EYA1: variants seen among roughly 807,000 people sequenced by gnomAD.
The protein encoded by EYA1 is EYA transcriptional coactivator and phosphatase 1.
In EYA1, 16 loss-of-function variants were observed where a neutral mutation model predicts 82.0. The observed-to-expected ratio is 0.20, with a 90% CI of 0.13 to 0.30. The LOEUF is 0.30. EYA1 is among the 10% of genes least tolerant of loss of function. The probability of loss-of-function intolerance (pLI) is 1.00; values close to 1 mark genes in which losing one functional copy is unlikely to be tolerated. For synonymous variants in EYA1, 261 were observed against 264.4 expected (o/e 0.99, Z 0.12); for missense variants, 633 against 730.7 (o/e 0.87, Z 1.54).
intron 1 of EYA1, among the ~76,000 whole-genome samples, chr8:71,542,363 C>A (rs1815207893): frequency 6.6e-6 from 1 of 152,134 alleles, no homozygotes; most frequent in Non-Finnish European, 1.5e-5. Context: ...ATAATGGCCT[C>A]CAGCTCCATT....
At chr8:71,354,097 G>A (rs1826595062) in intron 3 of EYA1, among the ~76,000 whole-genome samples, 1 of 151,844 alleles carries the variant, frequency 6.6e-6, no homozygotes, top group South Asian at 2.1e-4. Flanking sequence ...TTAAGTATAC[G>A]TGGATCAAAG....
intron 2 of EYA1, among the ~76,000 whole-genome samples, chr8:71,451,930 G>A (rs1318124745): frequency 1.3e-5 from 2 of 152,160 alleles, no homozygotes; most frequent in Non-Finnish European, 2.9e-5. Flanking sequence ...GTGCAGGACT[G>A]TGGGTGCAGC....
intron 2 of EYA1, among the ~76,000 whole-genome samples, chr8:71,417,266 A>AG (rs1409215124): frequency 1.3e-5 from 2 of 152,292 alleles, no homozygotes; most frequent in African/African-American, 2.4e-5. Context: ...GTCCCTCTGG[A>AG]GAGCTCTGAC....
At chr8:71,448,410 T>G (rs1807073846) in intron 2 of EYA1, among the ~76,000 whole-genome samples, 1 of 152,148 alleles carries the variant, frequency 6.6e-6, no homozygotes, top group Non-Finnish European at 1.5e-5. Flanking sequence ...TTGTAGCAAC[T>G]CAGTCACATC....
At chr8:71,500,517 A>G (rs376729195) in intron 2 of EYA1, among the ~76,000 whole-genome samples, 5 of 151,912 alleles carry the variant, frequency 3.3e-5, no homozygotes, top group South Asian at 4.2e-4. Flanking sequence ...TTGACTCTCT[A>G]TTTTCTCTAG....
intron 3 of EYA1, among the ~76,000 whole-genome samples, chr8:71,337,243 T>C (rs1032185814): frequency 6.6e-6 from 1 of 152,210 alleles, no homozygotes; most frequent in African/African-American, 2.4e-5. Flanking sequence ...CCCCTTTAAA[T>C]AACTAGGATT....
At chr8:71,457,703 T>C (rs909316949) in intron 2 of EYA1, among the ~76,000 whole-genome samples, 6 of 152,098 alleles carry the variant, frequency 3.9e-5, no homozygotes, top group African/African-American at 7.2e-5. Flanking sequence ...TAGGTGGGAA[T>C]TGAACAATGA....
At chr8:71,263,371 A>G (rs1397772815) in intron 11 of EYA1, among the ~76,000 whole-genome samples, 1 of 152,218 alleles carries the variant, frequency 6.6e-6, no homozygotes, top group Admixed American at 6.5e-5. Context: ...CACTACTATT[A>G]TTTGTACCAC....
intron 1 of EYA1, 126 bp downstream of exon 1, chr8:71,361,521 G>T: frequency 3.0e-6 from 1 of 333,212 alleles, no homozygotes; most frequent in Non-Finnish European, 4.3e-6. Flanking sequence ...TTTTCCCCAT[G>T]CCATAATGTT....
intron 1 of EYA1, chr8:71,547,661 G>A: frequency 6.6e-6 from 1 of 151,832 alleles, no homozygotes; most frequent in Non-Finnish European, 1.5e-5. Flanking sequence ...GGCATCAGCA[G>A]CCGCGGGCTC....
In EYA1 at chr8:71,211,174, T is replaced by G; in HGVS notation, c.1680A>C (p.Glu560Asp). 1 of 1,612,322 alleles carries G rather than the reference T, an allele frequency of 6.2e-7. No individual in the cohort carries two copies. The highest frequency in any genetic ancestry group is 1.1e-5 in the South Asian group (1 of 91,054). ...TGCTCACCTTTTTTGCTCCTTGTTC[T>G]TCTTCTACACCATCTCCTATAACAA... is the stretch of plus-strand genomic sequence containing the variant. ...VYVVIGDGVE[E>D]EQGAKKHAMP... Residue 560 changes from glutamate to aspartate, a missense_variant, in exon 17 of 18, where the codon GAA becomes GAC. Coordinates refer to ENST00000340726, the MANE Select transcript of EYA1 (RefSeq NM_000503.6).
chr8:71,262,609 G>C (rs1323162478), intron 11 of EYA1, among the ~76,000 whole-genome samples: 1 of 152,162 alleles, frequency 6.6e-6, no homozygotes, highest in Non-Finnish European at 1.5e-5. Flanking sequence ...AGTGGTTAAG[G>C]AGCTGTGATG....
chr8:71,298,976 A>G (rs917084982), intron 9 of EYA1, 71 bp downstream of exon 9: 2 of 1,487,074 alleles, frequency 1.3e-6, no homozygotes, highest in Non-Finnish European at 1.9e-6. Flanking sequence ...GCATGAATAT[A>G]TGACTGTAGA....
chr8:71,473,586 T>G (rs1015628772), intron 2 of EYA1, among the ~76,000 whole-genome samples: 3 of 152,112 alleles, frequency 2.0e-5, no homozygotes, highest in Non-Finnish European at 4.4e-5. Context: ...ATGGGAACAC[T>G]TTTACACTGT....
intron 2 of EYA1, among the ~76,000 whole-genome samples, chr8:71,516,376 T>C (rs1812975657): frequency 6.6e-6 from 1 of 152,074 alleles, no homozygotes. Flanking sequence ...TCTTGAAGGA[T>C]GGAAGGTGAG....
intron 2 of EYA1, among the ~76,000 whole-genome samples, chr8:71,499,989 G>A (rs1449627677): frequency 6.6e-6 from 1 of 152,192 alleles, no homozygotes; most frequent in African/African-American, 2.4e-5. Context: ...TTAAAATGAG[G>A]AATGATGGGG....
intron 12 of EYA1, among the ~76,000 whole-genome samples, chr8:71,224,026 C>T (rs1810270503): frequency 6.6e-6 from 1 of 152,138 alleles, no homozygotes. Context: ...CCAACAGTGA[C>T]GTAATAGCTA....
chr8:71,427,891 G>C (rs1487854485), intron 2 of EYA1, among the ~76,000 whole-genome samples: 4 of 151,850 alleles, frequency 2.6e-5, no homozygotes, highest in African/African-American at 9.7e-5. Context: ...GTGGTGGAAG[G>C]GTTGCTTGAG....
At chr8:71,291,393 C>A (rs1313597046) in intron 9 of EYA1, among the ~76,000 whole-genome samples, 2 of 152,130 alleles carry the variant, frequency 1.3e-5, no homozygotes, top group Non-Finnish European at 2.9e-5. Flanking sequence ...ACTGATTTTT[C>A]CTCTGTCACT....
Sources: gnomAD v4.1 joint callset for allele counts (sites outside exome capture counted in the v4.1 genomes callset) on GRCh38, gnomAD v4.1.1 for gene constraint, MANE v1.5 for transcripts, NCBI Gene and HGNC (gene_info 2026-07-23, HGNC 2026-07-21) for gene names.